Variants in ARAP1 observed in about 807,000 individuals in gnomAD.
ARAP1 encodes arf-GAP with Rho-GAP domain, ANK repeat and PH domain-containing protein 1.
ARAP1 carries 76 observed loss-of-function variants against 172.2 expected under a neutral mutation model. The observed-to-expected ratio is 0.44, with a 90% CI of 0.37 to 0.53. ARAP1 has a LOEUF of 0.53. Ranked by LOEUF, ARAP1 falls within the 20% of genes least tolerant of loss-of-function variation. ARAP1 has a pLI of 0.00. For missense variants in ARAP1, 1,686 were observed against 1,977.5 expected, an observed-to-expected ratio of 0.85 and a Z score of 2.80; for synonymous variants, 804 against 803.3, an observed-to-expected ratio of 1.00 and a Z score of -0.01.
chr11:72,737,654 A>G (rs1419086235), intron 1 of ARAP1, among the ~76,000 whole-genome samples: 1 of 147,950 alleles, frequency 6.8e-6, no homozygotes, highest in Non-Finnish European at 1.5e-5. Flanking sequence ...AAACAGGGTC[A>G]CTCTGTCACC....
chr11:72,729,130 T>C (rs1387995921), intron 2 of ARAP1, among the ~76,000 whole-genome samples: 1 of 152,186 alleles, frequency 6.6e-6, no homozygotes, highest in Non-Finnish European at 1.5e-5. Flanking sequence ...CCCAAATACA[T>C]ATACAAATTT....
intron 1 of ARAP1, among the ~76,000 whole-genome samples, chr11:72,736,868 T>A (rs963257436): frequency 6.6e-6 from 1 of 152,160 alleles, no homozygotes; most frequent in African/African-American, 2.4e-5. Flanking sequence ...AAGTTGTCAG[T>A]GACATACCCC....
chr11:72,705,819 C>T lies in ARAP1; in HGVS notation c.1795G>A (p.Glu599Lys), dbSNP rs1350467019. 6.2e-7 allele frequency: 1 copy of T among 1,614,116 alleles called. No individual in the cohort carries two copies. The highest frequency in any genetic ancestry group is 1.7e-5 in the Admixed American group (1 of 60,012). The stretch of plus-strand genomic sequence containing the variant: ...GGCATCCCCACCTCGATAAGTGTTT[C>T]TGTCCACACCTTCCTGTCCATCTTC... The part of the protein sequence containing the change: ...SLKMDRKVWT[E>K]TLIELFLQLG... The change falls in exon 13 of 35, where the codon GAA becomes AAA. Residue 599 changes from glutamate (E) to lysine (K), a missense_variant. Glu to Lys is a moderately conservative substitution (Grantham distance 56). Around this residue, in one of 5 missense-constraint regions of ARAP1, gnomAD observed 688 missense variants for 856.9 expected, o/e 0.80. Transcript: ENST00000393609.
At chr11:72,723,737 T>C (rs1857600517) in intron 3 of ARAP1, among the ~76,000 whole-genome samples, 1 of 152,140 alleles carries the variant, frequency 6.6e-6, no homozygotes, top group Non-Finnish European at 1.5e-5. Context: ...ACGTTGGCAA[T>C]CATTTACTCA....
rs373421125 is a variant in ARAP1, at chr11:72,695,761, C to T, written c.3377G>A (p.Arg1126His). 1.7e-5 allele frequency: 28 copies of T among 1,614,098 alleles called. No homozygotes were observed. The African/African-American group carries it at 1.9e-4, about 11-fold the overall frequency. Residue 1126 changes from arginine to histidine, a missense_variant, in exon 24 of 35, where the codon CGT becomes CAT. Around this residue, in one of 5 missense-constraint regions of ARAP1, gnomAD observed 379 missense variants for 500.1 expected, o/e 0.76. Transcript: ENST00000393609. The surrounding 1 kb of genome is among the most constrained non-coding windows in gnomAD (Gnocchi z 4.4). ...QTDGQDYKAGRVVEDLINHYV... is the reference protein window; with the variant it reads ...QTDGQDYKAGHVVEDLINHYV... ...GTGGTTAATGAGGTCTTCCACCACA[C>T]GGCCAGCCTTGTAGTCCTGCCCATC...
chr11:72,712,597 C>G (rs1303797818), intron 5 of ARAP1, 29 bp from the exon 6 acceptor site: 1 of 1,609,716 alleles, frequency 6.2e-7, no homozygotes, highest in Non-Finnish European at 8.5e-7. Context: ...CAGCGTCATC[C>G]TTCCCTTCAA....
At chr11:72,724,169 T>C (rs571550968) in intron 3 of ARAP1, among the ~76,000 whole-genome samples, 14 of 152,136 alleles carry the variant, frequency 9.2e-5, no homozygotes, top group Non-Finnish European at 1.9e-4. Context: ...TCTACTACCC[T>C]GACAGCTTGT....
At position 72,698,098 on chromosome 11, in the gene ARAP1, C is replaced by T; in HGVS notation, c.2550G>A (p.Val850=). The change falls in exon 19 of 35, where the codon GTG becomes GTA. Residue 850 remains valine, a synonymous_variant. Transcript: ENST00000393609. ...EWVKCIAKAF[V]PPLAEDLLAR... ...CCAGCAGATCCTCGGCTAGGGGAGGCACGAATGCCTGGCAGAGAGGCGCCG... is the reference window on the plus strand; with the variant it reads ...CCAGCAGATCCTCGGCTAGGGGAGGTACGAATGCCTGGCAGAGAGGCGCCG... 6.3e-7 allele frequency: 1 copy of T among 1,596,012 alleles called. No individual in the cohort carries two copies. The highest frequency in any genetic ancestry group is 8.5e-7 in the Non-Finnish European group (1 of 1,172,058).
At chr11:72,745,123 G>A (rs1163398489) in intron 1 of ARAP1, among the ~76,000 whole-genome samples, 2 of 151,720 alleles carry the variant, frequency 1.3e-5, no homozygotes, top group Non-Finnish European at 2.9e-5. Context: ...GCACACTGTG[G>A]CCACTGGGAA....
At chr11:72,711,593 G>C (rs1857013653) in intron 7 of ARAP1, 94 bp from the exon 8 acceptor site, 4 of 1,055,190 alleles carry the variant, frequency 3.8e-6, no homozygotes, top group Non-Finnish European at 5.8e-6. Flanking sequence ...TCAGAGTGAG[G>C]ATCAGCCAGG....
Position 72,685,330 on chromosome 11 carries a change from A to T in ARAP1, c.*334T>A. On this transcript the variant is annotated 3_prime_UTR_variant, in exon 35 of 35. Coordinates refer to ENST00000393609, the MANE Select transcript of ARAP1 (RefSeq NM_001040118.3). ...CCTTCCGGCAGGGCCCCAGGGCCTCACGCCTCTGAAAGGGTGGTGGTCCTC... is the reference window on the plus strand; with the variant it reads ...CCTTCCGGCAGGGCCCCAGGGCCTCTCGCCTCTGAAAGGGTGGTGGTCCTC... 1 of 380,772 alleles carries T rather than the reference A, an allele frequency of 2.6e-6. No homozygotes were observed. Among genetic ancestry groups the T allele is most frequent in the African/African-American group, 2.1e-5 (1 of 48,002 alleles). The allele number at this position is 380,772 out of a possible 1,614,324, so 23.6% of individuals were successfully genotyped here.
At position 72,709,852 on chromosome 11, in the gene ARAP1, A is replaced by G. The variant is rs1246154582; in HGVS notation, c.1523+18T>C. The G allele has an allele frequency of 1.9e-6, 3 of 1,612,694 alleles. No homozygotes were observed. The highest frequency in any genetic ancestry group is 2.5e-6 in the Non-Finnish European group (3 of 1,178,838). On this transcript the variant is annotated intron_variant, in intron 11 of 34. Transcript: ENST00000393609. ...GAAGGAGTGAGGATGCCGGTGAGCC[A>G]AGAAGATGGAGGGTCACCTGAAGAT...
intron 2 of ARAP1, among the ~76,000 whole-genome samples, chr11:72,730,918 G>A (rs555119728): frequency 6.6e-6 from 1 of 152,316 alleles, no homozygotes; most frequent in African/African-American, 2.4e-5. Flanking sequence ...GCGGCCATAA[G>A]AATGAGGAAA....
intron 27 of ARAP1, among the ~76,000 whole-genome samples, chr11:72,694,279 G>T (rs150774434): frequency 6.6e-6 from 1 of 151,772 alleles, no homozygotes; most frequent in Non-Finnish European, 1.5e-5. Flanking sequence ...ACCCATCAGC[G>T]AGTAGCAATC....
chr11:72,690,294 C>G (rs1330104008), intron 30 of ARAP1, among the ~76,000 whole-genome samples: 2 of 152,178 alleles, frequency 1.3e-5, no homozygotes, highest in East Asian at 3.8e-4. Context: ...ACACAACCCT[C>G]AGGCCTCCGA....
At chr11:72,687,247 C>A (rs548871436) in intron 33 of ARAP1, 192 bp downstream of exon 33, 4 of 706,378 alleles carry the variant, frequency 5.7e-6, no homozygotes, top group African/African-American at 5.4e-5. Flanking sequence ...TCCCTAGCAT[C>A]CCTGGCTTGG....
Position 72,699,903 on chromosome 11 carries a change from C to T in ARAP1, c.2303-351G>A. ...GGTCTACCCCTGCCCGTCTCTCCAG[C>T]TGCCTCTCTGTCACTCCTGGACACA... is the stretch of plus-strand genomic sequence containing the variant. On this transcript the variant is annotated intron_variant, in intron 16 of 34. Transcript: ENST00000393609. The surrounding 1 kb of genome is among the most constrained non-coding windows in gnomAD (Gnocchi z 4.2). The T allele has an allele frequency of 3.1e-6, 1 of 327,830 alleles. No homozygotes were observed. The highest frequency in any genetic ancestry group is 5.8e-6 in the Non-Finnish European group (1 of 172,362). The allele number at this position is 327,830 out of a possible 1,614,324, so 20.3% of individuals were successfully genotyped here.
intron 1 of ARAP1, among the ~76,000 whole-genome samples, chr11:72,747,763 C>T (rs1591255131): frequency 6.6e-6 from 1 of 152,298 alleles, no homozygotes; most frequent in East Asian, 1.9e-4. Context: ...GACGCTTATC[C>T]CAGGGCCAGG....
intron 12 of ARAP1, 42 bp from the exon 13 acceptor site, chr11:72,705,932 C>T (rs1263546420): frequency 2.5e-6 from 4 of 1,605,274 alleles, no homozygotes; most frequent in Non-Finnish European, 2.6e-6. Flanking sequence ...TGGGCCCCCC[C>T]TTCACGGGAG....
Sources: gnomAD v4.1 joint callset for allele counts (sites outside exome capture counted in the v4.1 genomes callset) on GRCh38, gnomAD v4.1.1 for gene constraint, gnomAD v4.1.1 regional missense constraint, Gnocchi (gnomAD v3.1) non-coding constraint, MANE v1.5 for transcripts, NCBI Gene and HGNC (gene_info 2026-07-23, HGNC 2026-07-21) for gene names.